The following CAPN13 variants were observed in gnomAD, a reference collection of about 807,000 sequenced individuals.
CAPN13 encodes calpain 13.
Under a neutral mutation model 98.4 loss-of-function variants are expected in CAPN13, and 90 were observed. The observed-to-expected ratio is 0.92, with a 90% CI of 0.77 to 1.09. The LOEUF (loss-of-function observed/expected upper bound fraction) is 1.09, where lower values mean the gene tolerates loss of function less well. Among genes scored for constraint, CAPN13 ranks in the 50% least tolerant of loss-of-function variants. CAPN13 has a pLI of 0.00. For missense variants in CAPN13, 887 were observed against 841.3 expected (o/e 1.05, Z -0.67); for synonymous variants, 330 against 305.5 (o/e 1.08, Z -0.84).
intron 11 of CAPN13, 25 bp downstream of exon 11, chr2:30,751,078 A>C (rs1239080845): frequency 1.9e-6 from 3 of 1,611,086 alleles, no homozygotes; most frequent in South Asian, 1.1e-5. Flanking sequence ...TCTACAAGGG[A>C]AAGCCCTGAA....
At chr2:30,795,596 A>G (rs751090410) in intron 1 of CAPN13, among the ~76,000 whole-genome samples, 5 of 151,856 alleles carry the variant, frequency 3.3e-5, no homozygotes, top group Non-Finnish European at 7.4e-5. Flanking sequence ...CCATTTGTCT[A>G]TTGGGTTGTC....
chr2:30,783,027 A>G (rs1032337496), intron 2 of CAPN13, among the ~76,000 whole-genome samples: 1 of 152,218 alleles, frequency 6.6e-6, no homozygotes, highest in African/African-American at 2.4e-5. Context: ...CCATCATCAC[A>G]GAATGTTCTA....
chr2:30,774,474 A>C (rs958665592), intron 4 of CAPN13, among the ~76,000 whole-genome samples: 5 of 152,210 alleles, frequency 3.3e-5, no homozygotes, highest in Non-Finnish European at 7.4e-5. Flanking sequence ...AGATTGAGAA[A>C]GTAGATTTAG....
chr2:30,763,845 C>T (rs114375829), intron 6 of CAPN13, among the ~76,000 whole-genome samples: 207 of 152,328 alleles, frequency 1.4e-3, no homozygotes, highest in African/African-American at 4.7e-3. Flanking sequence ...CAGGCTCTGG[C>T]GCAGCAGCAT....
chr2:30,766,327 C>T (rs1454429230), intron 5 of CAPN13, among the ~76,000 whole-genome samples: 1 of 152,216 alleles, frequency 6.6e-6, no homozygotes, highest in East Asian at 1.9e-4. Context: ...TCGGAGTCAC[C>T]CAAGACAACC....
intron 18 of CAPN13, among the ~76,000 whole-genome samples, chr2:30,735,493 T>A (rs1671317312): frequency 6.6e-6 from 1 of 152,248 alleles, no homozygotes; most frequent in Admixed American, 6.5e-5. Context: ...CAGGAATTCA[T>A]TCGTTCATTC....
chr2:30,797,546 G>A (rs1674948468), intron 1 of CAPN13, among the ~76,000 whole-genome samples: 1 of 152,124 alleles, frequency 6.6e-6, no homozygotes, highest in African/African-American at 2.4e-5. Flanking sequence ...GATATTAATT[G>A]AGAAGATTCT....
intron 1 of CAPN13, among the ~76,000 whole-genome samples, chr2:30,789,364 A>C (rs1674490800): frequency 6.6e-6 from 1 of 152,226 alleles, no homozygotes; most frequent in Non-Finnish European, 1.5e-5. Context: ...ATGTGTGATA[A>C]ATTCTAGCAA....
intron 22 of CAPN13, among the ~76,000 whole-genome samples, chr2:30,730,348 C>A (rs1300148884): frequency 6.6e-6 from 1 of 152,204 alleles, no homozygotes; most frequent in South Asian, 2.1e-4. Context: ...GGCTAGAGCC[C>A]GCTCTTCTCT....
intron 17 of CAPN13, 80 bp downstream of exon 17, chr2:30,738,155 A>G (rs1444029580): frequency 2.0e-6 from 3 of 1,485,626 alleles, no homozygotes; most frequent in Admixed American, 3.5e-5. Context: ...AGGGTTCCCT[A>G]CTGTCCTAAT....
chr2:30,746,172 T>G (rs756725195), intron 11 of CAPN13, among the ~76,000 whole-genome samples: 2 of 152,170 alleles, frequency 1.3e-5, no homozygotes, highest in African/African-American at 2.4e-5. Context: ...CCTGGGGTTA[T>G]AGGCGTGAAC....
intron 1 of CAPN13, among the ~76,000 whole-genome samples, chr2:30,800,125 AAAGAAAGAAAG>A (rs1217478891): frequency 1.7e-5 from 2 of 115,438 alleles, no homozygotes; most frequent in African/African-American, 7.7e-5. Flanking sequence ...GAAAAGAAAG[AAAGAAAGAAAG>A]AAAGAAAGAA....
chr2:30,788,953 G>T (rs541993593), intron 1 of CAPN13, among the ~76,000 whole-genome samples: 6 of 152,260 alleles, frequency 3.9e-5, no homozygotes, highest in Admixed American at 3.3e-4. Flanking sequence ...GGTCAAAAAT[G>T]GTTGAATATA....
intron 7 of CAPN13, among the ~76,000 whole-genome samples, chr2:30,759,956 C>A (rs142248959): frequency 6.6e-6 from 1 of 152,318 alleles, no homozygotes; most frequent in East Asian, 1.9e-4. Flanking sequence ...CTTGCCTGCC[C>A]CGCTCCCTGG....
chr2:30,740,091 T>TTG (rs1189488356), intron 15 of CAPN13, among the ~76,000 whole-genome samples: 1,641 of 136,752 alleles, frequency 0.012, 81 homozygotes, highest in African/African-American at 0.031. Flanking sequence ...GGTTTTTTTT[T>TTG]TTTTTTTTTT....
intron 11 of CAPN13, among the ~76,000 whole-genome samples, chr2:30,746,862 A>G (rs1279801011): frequency 6.6e-6 from 1 of 152,170 alleles, no homozygotes; most frequent in African/African-American, 2.4e-5. Context: ...GTCTGAGAGG[A>G]GGAGGTATTC....
At chr2:30,736,407 T>C (rs1671366826) in intron 18 of CAPN13, 96 bp downstream of exon 18, 2 of 1,242,296 alleles carry the variant, frequency 1.6e-6, no homozygotes, top group African/African-American at 1.5e-5. Flanking sequence ...TTCCTCTTCT[T>C]TCATACCCCT....
rs780049705 is a variant in CAPN13 at position 30,753,165 on chromosome 2, G to A, written c.975C>T (p.Ile325=). 25 of 1,613,888 alleles carry A rather than the reference G, an allele frequency of 1.5e-5. No individual in the cohort carries two copies. The highest frequency in any genetic ancestry group is 1.8e-5 in the Non-Finnish European group (21 of 1,179,874). Residue 325 remains isoleucine, a synonymous_variant, in exon 10 of 23, where the codon ATC becomes ATT. Transcript: ENST00000295055. ...MSCQDFQQKF[I]AMFICSEIPI... The stretch of plus-strand genomic sequence containing the variant: ...GAATTTCGCTACATATAAACATGGC[G>A]ATGAATTTCTGTTGGAAATCTTGAC...
At chr2:30,803,567 G>A (rs556321236) in intron 1 of CAPN13, among the ~76,000 whole-genome samples, 43 of 152,258 alleles carry the variant, frequency 2.8e-4, no homozygotes, top group African/African-American at 8.9e-4. Flanking sequence ...TTACTTGGCC[G>A]AAGTGAGGAT....
Sources: gnomAD v4.1 joint callset for allele counts (sites outside exome capture counted in the v4.1 genomes callset) on GRCh38, gnomAD v4.1.1 for gene constraint, MANE v1.5 for transcripts, NCBI Gene and HGNC (gene_info 2026-07-23, HGNC 2026-07-21) for gene names.